The following EML6 variants were observed in gnomAD, a reference collection of about 807,000 sequenced individuals.
The protein encoded by EML6 is echinoderm microtubule-associated protein-like 6.
Under a neutral mutation model 240.1 loss-of-function variants are expected in EML6, and 154 were observed. That is an observed-to-expected ratio of 0.64 (90% CI 0.56 to 0.73). The LOEUF is 0.73. Among genes scored for constraint, EML6 ranks in the 30% least tolerant of loss-of-function variants. The pLI is 0.00. For missense variants in EML6, 2,964 were observed against 2,474.6 expected (o/e 1.20, Z -4.20); for synonymous variants, 1,148 against 899.0 (o/e 1.28, Z -4.95).
intron 2 of EML6, among the ~76,000 whole-genome samples, chr2:54,759,590 A>G (rs1667887013): frequency 6.6e-6 from 1 of 152,132 alleles, no homozygotes; most frequent in South Asian, 2.1e-4. Context: ...TAAATTAGCA[A>G]TGGATGCCAA....
chr2:54,962,422 T>C, intron 35 of EML6, 101 bp from the exon 36 acceptor site: 1 of 913,944 alleles, frequency 1.1e-6, no homozygotes, highest in South Asian at 2.0e-5. Context: ...GCAGTCATCA[T>C]TCTACTTTCT....
chr2:54,928,304 G>T lies in EML6; in HGVS notation c.3676-9G>T, dbSNP rs1367117905. The T allele has an allele frequency of 6.4e-7, 1 of 1,551,126 alleles. No homozygotes were observed. On this transcript the variant is annotated splice_polypyrimidine_tract_variant and intron_variant, in intron 26 of 41. Coordinates refer to ENST00000356458, the MANE Select transcript of EML6 (RefSeq NM_001039753.4). ...TGGCTGGGGTAATAACCAATTTCGG[G>T]CTTTACAGGGACAGCACGCAAGATT...
chr2:54,840,725 C>A (rs896609897), intron 7 of EML6, among the ~76,000 whole-genome samples: 1 of 152,168 alleles, frequency 6.6e-6, no homozygotes, highest in African/African-American at 2.4e-5. Context: ...TGAGCATCTA[C>A]CACGTGACAG....
At chr2:54,902,942 G>T in intron 22 of EML6, 102 bp from the exon 23 acceptor site, 1 of 1,055,734 alleles carries the variant, frequency 9.5e-7, no homozygotes, top group East Asian at 2.6e-5. Flanking sequence ...GCAGTCACGT[G>T]TCCATACATA....
At chr2:54,810,233 T>C (rs762058203) in intron 2 of EML6, among the ~76,000 whole-genome samples, 5 of 152,140 alleles carry the variant, frequency 3.3e-5, no homozygotes, top group Admixed American at 6.5e-5. Context: ...AATGTGAACT[T>C]TTTAGTAAAT....
At chr2:54,832,451 C>T (rs1348236762) in intron 7 of EML6, among the ~76,000 whole-genome samples, 1 of 152,202 alleles carries the variant, frequency 6.6e-6, no homozygotes, top group Admixed American at 6.5e-5. Context: ...CTGGGCCATC[C>T]TGTGATGGGG....
At chr2:54,857,097 G>A (rs1346008052) in intron 11 of EML6, among the ~76,000 whole-genome samples, 1 of 152,172 alleles carries the variant, frequency 6.6e-6, no homozygotes, top group Non-Finnish European at 1.5e-5. Flanking sequence ...ACAGAGCTGG[G>A]AAAATGAGAA....
chr2:54,736,352 A>G (rs1683391133), intron 2 of EML6, among the ~76,000 whole-genome samples: 1 of 152,094 alleles, frequency 6.6e-6, no homozygotes, highest in Non-Finnish European at 1.5e-5. Context: ...GGAGCGTGGC[A>G]TTGTGCATGG....
intron 4 of EML6, among the ~76,000 whole-genome samples, chr2:54,819,239 A>G (rs938876489): frequency 6.6e-6 from 1 of 152,084 alleles, no homozygotes; most frequent in Non-Finnish European, 1.5e-5. Context: ...TTCCCTTTCT[A>G]TCAGTGTGTC....
At chr2:54,831,836 T>C (rs1223161135) in intron 7 of EML6, among the ~76,000 whole-genome samples, 2 of 152,082 alleles carry the variant, frequency 1.3e-5, no homozygotes, top group Non-Finnish European at 2.9e-5. Context: ...GAGATGGCAC[T>C]GCTTAGCATG....
chr2:54,822,753 G>A (rs1350154325), intron 5 of EML6, among the ~76,000 whole-genome samples: 1 of 151,942 alleles, frequency 6.6e-6, no homozygotes, highest in African/African-American at 2.4e-5. Flanking sequence ...GTTATCTCTG[G>A]GTAATGGGTT....
At chr2:54,801,755 A>G (rs2578716) in intron 2 of EML6, among the ~76,000 whole-genome samples, 24,487 of 152,242 alleles carry the variant, frequency 0.16, 2,372 homozygotes, top group Non-Finnish European at 0.21. Flanking sequence ...CAAAACCAAC[A>G]TCACAAACGT....
At chr2:54,953,417 C>A (rs574860484) in intron 31 of EML6, among the ~76,000 whole-genome samples, 10 of 152,280 alleles carry the variant, frequency 6.6e-5, no homozygotes, top group African/African-American at 2.4e-4. Flanking sequence ...AGATACAAAT[C>A]ATTGACCTCA....
intron 2 of EML6, among the ~76,000 whole-genome samples, chr2:54,750,127 G>A (rs1426371896): frequency 3.9e-5 from 6 of 152,194 alleles, no homozygotes; most frequent in African/African-American, 7.2e-5. Context: ...ACTATCCATC[G>A]TGCACTGTCC....
intron 2 of EML6, chr2:54,748,529 C>A (rs1224245263): frequency 1.3e-5 from 2 of 152,234 alleles, no homozygotes; most frequent in Admixed American, 6.6e-5. Context: ...TGTTTACATA[C>A]ATTGTGGCTA....
At chr2:54,959,028 T>C (rs1472137854) in intron 33 of EML6, 76 bp from the exon 34 acceptor site, 7 of 1,388,692 alleles carry the variant, frequency 5.0e-6, no homozygotes, top group Non-Finnish European at 6.8e-6. Context: ...TCTGGTTCCT[T>C]AATGAGAGAA....
rs3841892 is a variant in EML6, at chr2:54,812,526, A to AT, written c.198-694dup. 6.8e-4 allele frequency among the ~76,000 whole-genome samples: 102 copies of AT among 150,828 alleles called. No homozygotes were observed. The East Asian group carries it at 0.011, about 16-fold the overall frequency. Reference sequence around the variant, plus strand: ...ACAATGAATTTAAAACATTAGGGTGATTTTTTTTTTTTAATCTAGGAAAAA... The same window carrying AT: ...ACAATGAATTTAAAACATTAGGGTGATTTTTTTTTTTTTAATCTAGGAAAAA... On this transcript the variant is annotated intron_variant, in intron 2 of 41. Transcript: ENST00000356458.
At chr2:54,778,411 A>AC (rs1488094579) in intron 2 of EML6, among the ~76,000 whole-genome samples, 6 of 151,788 alleles carry the variant, frequency 4.0e-5, no homozygotes, top group Non-Finnish European at 7.4e-5. Flanking sequence ...AGAAAGTTGT[A>AC]CCCCCCTCCC....
At chr2:54,755,077 A>C (rs1378942634) in intron 2 of EML6, among the ~76,000 whole-genome samples, 1 of 152,250 alleles carries the variant, frequency 6.6e-6, no homozygotes, top group African/African-American at 2.4e-5. Flanking sequence ...TGAGATGGTC[A>C]TGATTAGCAA....
Sources: gnomAD v4.1 joint callset for allele counts (sites outside exome capture counted in the v4.1 genomes callset) on GRCh38, gnomAD v4.1.1 for gene constraint, MANE v1.5 for transcripts, NCBI Gene and HGNC (gene_info 2026-07-23, HGNC 2026-07-21) for gene names.